Variants in NTN4 observed in about 807,000 individuals in gnomAD.
NTN4 encodes the protein netrin-4.
A neutral mutation model predicts 73.6 loss-of-function variants in NTN4; 32 were observed. That is an observed-to-expected ratio of 0.44 (90% CI 0.33 to 0.58). The LOEUF (loss-of-function observed/expected upper bound fraction) is 0.58. Ranked by LOEUF, NTN4 falls within the 20% of genes least tolerant of loss-of-function variation. The probability of loss-of-function intolerance (pLI) is 0.04; values close to 1 mark genes in which losing one functional copy is unlikely to be tolerated. For synonymous variants in NTN4, 258 were observed against 287.5 expected (o/e 0.90, Z 1.04); for missense variants, 654 against 798.3 (o/e 0.82, Z 2.18).
At chr12:95,766,962 T>C (rs1003709859) in intron 2 of NTN4, among the ~76,000 whole-genome samples, 8 of 152,240 alleles carry the variant, frequency 5.3e-5, no homozygotes, top group African/African-American at 1.9e-4. Context: ...TATTTATCAC[T>C]GTTAAGTTTA....
rs1366159319 is a variant in NTN4, at chr12:95,757,788, G to A, written c.586-19644C>T. On this transcript the variant is annotated intron_variant, in intron 2 of 9. Coordinates refer to ENST00000343702, the MANE Select transcript of NTN4 (RefSeq NM_021229.4). Reference sequence around the variant, plus strand: ...GAATGCAAAGTAAAAAAAAAAAAATGTAATTAAAAATGGCAAATGCAATTT... The same window carrying A: ...GAATGCAAAGTAAAAAAAAAAAAATATAATTAAAAATGGCAAATGCAATTT... Among the ~76,000 whole-genome samples the A allele has an allele frequency of 2.0e-5, 3 of 146,642 alleles. No individual in the cohort carries two copies. The East Asian group carries it at 5.9e-4, about 29-fold the overall frequency.
In NTN4 at chr12:95,661,307, C is replaced by T. The variant is rs184850781; in HGVS notation, c.1751-2085G>A. 1.7e-3 allele frequency among the ~76,000 whole-genome samples: 260 copies of T among 152,142 alleles called. 2 individuals carry two copies. Among genetic ancestry groups the T allele is most frequent in the Middle Eastern group, 6.8e-3 (2 of 294 alleles). On this transcript the variant is annotated intron_variant, in intron 9 of 9. Transcript: ENST00000343702. ...AGTTGCCCAGCTTGGGAGAGAAAGC[C>T]CTCTTACGGAAGAATGCCAGCTAAT...
chr12:95,682,562 A>G (rs2120987756), intron 7 of NTN4, 145 bp downstream of exon 7: 2 of 522,476 alleles, frequency 3.8e-6, no homozygotes, highest in East Asian at 3.2e-5. Flanking sequence ...TCATACTTAC[A>G]GGAGTCACTA....
At chr12:95,659,628 G>C (rs1432617635) in intron 9 of NTN4, among the ~76,000 whole-genome samples, 1 of 152,120 alleles carries the variant, frequency 6.6e-6, no homozygotes, top group African/African-American at 2.4e-5. Context: ...TTCAGGGTTG[G>C]AATAAGGAGT....
intron 7 of NTN4, chr12:95,672,427 G>A (rs368066583): frequency 8.7e-6 from 11 of 1,259,898 alleles, no homozygotes; most frequent in East Asian, 4.6e-5. Flanking sequence ...AAGCGCAGGC[G>A]GGCAGGCGCT....
intron 2 of NTN4, among the ~76,000 whole-genome samples, chr12:95,752,709 G>A (rs907339187): frequency 2.0e-5 from 3 of 152,086 alleles, no homozygotes; most frequent in African/African-American, 7.2e-5. Context: ...GGCATGGTTA[G>A]CGCAGTCAGA....
intron 8 of NTN4, among the ~76,000 whole-genome samples, chr12:95,668,961 T>C (rs2078204797): frequency 6.6e-6 from 1 of 152,166 alleles, no homozygotes; most frequent in African/African-American, 2.4e-5. Context: ...CTGTCTCTAC[T>C]AAAAATACAA....
At chr12:95,672,038 C>G (rs2078234622) in intron 7 of NTN4, among the ~76,000 whole-genome samples, 1 of 150,310 alleles carries the variant, frequency 6.7e-6, no homozygotes, top group Admixed American at 6.7e-5. Flanking sequence ...AAAGAGTGAG[C>G]AGCCAGGTGT....
chr12:95,783,903 C>T (rs2079149134), intron 2 of NTN4, among the ~76,000 whole-genome samples: 1 of 152,180 alleles, frequency 6.6e-6, no homozygotes, highest in Non-Finnish European at 1.5e-5. Context: ...GCCTTCCACT[C>T]TGTTGATGGA....
In NTN4 at chr12:95,781,786, C is replaced by T. The variant is rs563458525; in HGVS notation, c.585+5153G>A. On this transcript the variant is annotated intron_variant, in intron 2 of 9. Transcript: ENST00000343702. The surrounding 1 kb of genome is among the most constrained non-coding windows in gnomAD (Gnocchi z 4.1). ...CAAACCTTCCCCTGCCAGCATTCCC[C>T]ATCCCCTCCCCTGTTTTGTTTTCTC... Among the ~76,000 whole-genome samples the T allele has an allele frequency of 1.3e-5, 2 of 152,192 alleles. No homozygotes were observed. Among genetic ancestry groups the T allele is most frequent in the African/African-American group, 4.8e-5 (2 of 41,526 alleles).
Position 95,682,057 on chromosome 12 carries a change from C to CTTTTTTTTTTTTTTTTTTTTTTTT in NTN4, c.1510+649_1510+650insAAAAAAAAAAAAAAAAAAAAAAAA, listed in dbSNP as rs557973212. 1.1e-4 allele frequency among the ~76,000 whole-genome samples: 7 copies of CTTTTTTTTTTTTTTTTTTTTTTTT among 64,546 alleles called. 3 individuals carry two copies. The highest frequency in any genetic ancestry group is 1.3e-4 in the Non-Finnish European group (5 of 38,704). 42.3% of individuals were successfully genotyped at this position (64,546 alleles called of 152,430 possible). ...TTCCAAACCTAATATATTCAGTAGG[C>CTTTTTTTTTTTTTTTTTTTTTTTT]TTTTTTTTTTTTTTTTTTTTTTTGA... On this transcript the variant is annotated intron_variant, in intron 7 of 9. Transcript: ENST00000343702.
chr12:95,679,832 G>C (rs933076778), intron 7 of NTN4, among the ~76,000 whole-genome samples: 1 of 151,998 alleles, frequency 6.6e-6, no homozygotes, highest in African/African-American at 2.4e-5. Flanking sequence ...CTGCAGCCTC[G>C]TTATATTTCC....
intron 3 of NTN4, among the ~76,000 whole-genome samples, chr12:95,731,580 A>G (rs191393950): frequency 5.3e-4 from 80 of 152,250 alleles, no homozygotes; most frequent in African/African-American, 1.9e-3. Context: ...TAAATAAATC[A>G]GCTAACCTTT....
At chr12:95,673,386 G>A in intron 7 of NTN4, 1 of 241,368 alleles carries the variant, frequency 4.1e-6, no homozygotes, top group Non-Finnish European at 8.2e-6. Flanking sequence ...AGAACTTGTG[G>A]GGGAGGAACC....
At chr12:95,741,427 TTATATATATA>T (rs1174318245) in intron 2 of NTN4, among the ~76,000 whole-genome samples, 3,586 of 51,014 alleles carry the variant, frequency 0.07, 323 homozygotes, top group Non-Finnish European at 0.093. Context: ...TATGTATAAA[TTATATATATA>T]TATATATATA....
chr12:95,712,128 G>C (rs528776011), intron 4 of NTN4, among the ~76,000 whole-genome samples: 1 of 152,262 alleles, frequency 6.6e-6, no homozygotes, highest in Admixed American at 6.5e-5. Flanking sequence ...AGAGGTTCGT[G>C]AGCGTTAACA....
At chr12:95,764,019 G>C (rs2079005024) in intron 2 of NTN4, among the ~76,000 whole-genome samples, 1 of 152,160 alleles carries the variant, frequency 6.6e-6, no homozygotes, top group African/African-American at 2.4e-5. Flanking sequence ...GAATTAGAGT[G>C]TTTTGATATG....
At chr12:95,763,119 T>C (rs1009471421) in intron 2 of NTN4, among the ~76,000 whole-genome samples, 2 of 152,218 alleles carry the variant, frequency 1.3e-5, no homozygotes, top group African/African-American at 4.8e-5. Flanking sequence ...GGAAATGCTT[T>C]GTATGAGGCA....
intron 9 of NTN4, among the ~76,000 whole-genome samples, chr12:95,664,367 A>G (rs762794884): frequency 1.8e-4 from 28 of 152,170 alleles, no homozygotes; most frequent in Non-Finnish European, 3.5e-4. Context: ...CTATTTATTT[A>G]TTTATATAAT....
Sources: allele counts gnomAD v4.1 joint callset (sites outside exome capture counted in the v4.1 genomes callset), GRCh38; gene constraint gnomAD v4.1.1; non-coding constraint Gnocchi (gnomAD v3.1); transcripts MANE v1.5; gene names NCBI Gene and HGNC (gene_info 2026-07-23, HGNC 2026-07-21).